Variants in ST6GALNAC3 observed in about 807,000 individuals in gnomAD.
The protein encoded by ST6GALNAC3 is ST6 N-acetylgalactosaminide alpha-2,6-sialyltransferase 3, also known as alpha-N-acetylgalactosaminide alpha-2,6-sialyltransferase 3.
Under a neutral mutation model 32.7 loss-of-function variants are expected in ST6GALNAC3, and 25 were observed. The observed-to-expected ratio is 0.76, with a 90% CI of 0.56 to 1.07. The LOEUF (loss-of-function observed/expected upper bound fraction) is 1.07, where lower values mean the gene tolerates loss of function less well. Among genes scored for constraint, ST6GALNAC3 ranks in the 50% least tolerant of loss-of-function variants. The pLI, the probability that ST6GALNAC3 is intolerant of heterozygous loss-of-function variation, is 0.00. For missense variants in ST6GALNAC3, 355 were observed against 382.4 expected (o/e 0.93, Z 0.60); for synonymous variants, 129 against 133.1 (o/e 0.97, Z 0.21).
chr1:76,286,430 A>G (rs1271678772), intron 1 of ST6GALNAC3, among the ~76,000 whole-genome samples: 1 of 152,198 alleles, frequency 6.6e-6, no homozygotes, highest in Non-Finnish European at 1.5e-5. Flanking sequence ...CACTACCTCC[A>G]TAGAGATGTT....
intron 2 of ST6GALNAC3, among the ~76,000 whole-genome samples, chr1:76,338,359 G>T (rs1231643297): frequency 6.6e-6 from 1 of 152,182 alleles, no homozygotes; most frequent in Non-Finnish European, 1.5e-5. Context: ...TATGCTCGAT[G>T]CAGCCAAATG....
At chr1:76,285,205 G>A (rs1233867929) in intron 1 of ST6GALNAC3, among the ~76,000 whole-genome samples, 1 of 152,184 alleles carries the variant, frequency 6.6e-6, no homozygotes, top group Non-Finnish European at 1.5e-5. Flanking sequence ...CAGAAGCTTA[G>A]ATCTTTGCAT....
intron 3 of ST6GALNAC3, among the ~76,000 whole-genome samples, chr1:76,488,022 C>T (rs545329162): frequency 1.3e-5 from 2 of 152,182 alleles, no homozygotes; most frequent in South Asian, 2.1e-4. Flanking sequence ...GTATCAGCAG[C>T]GGAGGCTGCA....
chr1:76,108,212 C>T (rs1369455161), intron 1 of ST6GALNAC3, among the ~76,000 whole-genome samples: 2 of 152,192 alleles, frequency 1.3e-5, no homozygotes, highest in African/African-American at 2.4e-5. Flanking sequence ...AAGCTGTTCT[C>T]TCTGAGTGCA....
chr1:76,187,671 G>A (rs551195998), intron 1 of ST6GALNAC3, among the ~76,000 whole-genome samples: 1 of 152,184 alleles, frequency 6.6e-6, no homozygotes, highest in South Asian at 2.1e-4. Context: ...AGACATCTGT[G>A]TAGGCATCTG....
chr1:76,405,065 T>C (rs1043867027), intron 2 of ST6GALNAC3, among the ~76,000 whole-genome samples: 3 of 152,132 alleles, frequency 2.0e-5, no homozygotes, highest in Admixed American at 1.3e-4. Flanking sequence ...ATTAGAGCTA[T>C]CCAATGTTGT....
At chr1:76,139,596 C>T (rs962961895) in intron 1 of ST6GALNAC3, among the ~76,000 whole-genome samples, 6 of 152,142 alleles carry the variant, frequency 3.9e-5, no homozygotes, top group Non-Finnish European at 8.8e-5. Context: ...GACATAGATT[C>T]TCAGAGAGAG....
rs371162046 is a variant in ST6GALNAC3 at position 76,533,993 on chromosome 1, T to C, written c.624-93459T>C. On this transcript the variant is annotated intron_variant, in intron 3 of 4. Transcript: ENST00000328299. ...GTATATGTATTTTAATTTCCATAAATGACATGTGTTAAATTTCATCTGTTT... is the reference window on the plus strand; with the variant it reads ...GTATATGTATTTTAATTTCCATAAACGACATGTGTTAAATTTCATCTGTTT... Among the ~76,000 whole-genome samples the C allele has an allele frequency of 1.6e-4, 25 of 152,310 alleles. No homozygotes were observed. The South Asian group carries it at 5.0e-3, about 30-fold the overall frequency.
At chr1:76,405,654 A>G (rs556312233) in intron 2 of ST6GALNAC3, among the ~76,000 whole-genome samples, 3 of 151,434 alleles carry the variant, frequency 2.0e-5, no homozygotes, top group Admixed American at 1.3e-4. Context: ...GAGGAACAGA[A>G]GGGTTCTTTT....
chr1:76,558,002 C>T (rs12565877), intron 3 of ST6GALNAC3, among the ~76,000 whole-genome samples: 10 of 152,002 alleles, frequency 6.6e-5, no homozygotes, highest in African/African-American at 2.4e-4. Context: ...AAATGACAAA[C>T]TATGATAAAT....
At chr1:76,400,950 C>T (rs148774565) in intron 2 of ST6GALNAC3, among the ~76,000 whole-genome samples, 71 of 151,600 alleles carry the variant, frequency 4.7e-4, no homozygotes, top group African/African-American at 1.6e-3. Context: ...AATTTTATAC[C>T]TCCTCTCAAG....
Position 76,378,668 on chromosome 1 carries a change from C to CCA in ST6GALNAC3, c.214-33340_214-33339insCA, listed in dbSNP as rs1491210702. Among the ~76,000 whole-genome samples, 801 of 148,062 alleles carry CCA rather than the reference C, an allele frequency of 5.4e-3. 10 individuals carry two copies. Among genetic ancestry groups the CCA allele is most frequent in the African/African-American group, 0.019 (748 of 40,228 alleles). On this transcript the variant is annotated intron_variant, in intron 2 of 4. Transcript: ENST00000328299. The stretch of plus-strand genomic sequence containing the variant: ...GAAGAACGAAATTCCTTCCCCCCCC[C>CCA]AAAAAAAAAAATTAAAAATTTGCTT...
chr1:76,334,606 T>C (rs187282673), intron 2 of ST6GALNAC3, among the ~76,000 whole-genome samples: 3 of 152,296 alleles, frequency 2.0e-5, no homozygotes, highest in East Asian at 3.9e-4. Context: ...AGCATCTTCG[T>C]TGGTATTTGT....
At chr1:76,260,864 AG>A (rs2100727580) in intron 1 of ST6GALNAC3, among the ~76,000 whole-genome samples, 1 of 152,262 alleles carries the variant, frequency 6.6e-6, no homozygotes, top group South Asian at 2.1e-4. Context: ...CAATAAACCA[AG>A]GACATCCGTC....
At chr1:76,245,702 A>G (rs1436534010) in intron 1 of ST6GALNAC3, among the ~76,000 whole-genome samples, 1 of 152,210 alleles carries the variant, frequency 6.6e-6, no homozygotes, top group Non-Finnish European at 1.5e-5. Context: ...GGAGTCATTC[A>G]GAAGCAGGTT....
At chr1:76,551,279 G>A (rs1403888500) in intron 3 of ST6GALNAC3, among the ~76,000 whole-genome samples, 2 of 152,118 alleles carry the variant, frequency 1.3e-5, no homozygotes, top group African/African-American at 4.8e-5. Flanking sequence ...AAAGTTGATT[G>A]AAAACACAAA....
chr1:76,373,933 G>C (rs2101088891), intron 2 of ST6GALNAC3, among the ~76,000 whole-genome samples: 1 of 152,148 alleles, frequency 6.6e-6, no homozygotes, highest in African/African-American at 2.4e-5. Context: ...TTTGGTGCCT[G>C]GTGAAGAGTA....
At chr1:76,512,829 A>G (rs938023470) in intron 3 of ST6GALNAC3, among the ~76,000 whole-genome samples, 7 of 151,964 alleles carry the variant, frequency 4.6e-5, no homozygotes, top group African/African-American at 1.7e-4. Flanking sequence ...TTTCTTTTCG[A>G]TAACAGCCAT....
chr1:76,482,645 T>C (rs1479203695), intron 3 of ST6GALNAC3, among the ~76,000 whole-genome samples: 2 of 152,172 alleles, frequency 1.3e-5, no homozygotes, highest in Non-Finnish European at 2.9e-5. Flanking sequence ...TTCAGAGAAG[T>C]TGAATAACTT....
Sources: allele counts gnomAD v4.1 joint callset (sites outside exome capture counted in the v4.1 genomes callset), GRCh38; gene constraint gnomAD v4.1.1; transcripts MANE v1.5; gene names NCBI Gene and HGNC (gene_info 2026-07-23, HGNC 2026-07-21).